The following TOMM20L variants were observed in gnomAD, a reference collection of about 807,000 sequenced individuals.
TOMM20L encodes translocase of outer mitochondrial membrane 20 like.
A neutral mutation model predicts 20.4 loss-of-function variants in TOMM20L; 19 were observed. The observed-to-expected ratio is 0.93, with a 90% CI of 0.65 to 1.36. The LOEUF is 1.36. Ranked by LOEUF, TOMM20L falls within the 40% of genes most tolerant of loss-of-function variation. The pLI, the probability that TOMM20L is intolerant of heterozygous loss-of-function variation, is 0.00. For synonymous variants in TOMM20L, 75 were observed against 79.6 expected (o/e 0.94, Z 0.30); for missense variants, 218 against 203.7 (o/e 1.07, Z -0.43).
downstream of TOMM20L, chr14:58,408,902 T>C (rs1346636175): frequency 8.1e-6 from 11 of 1,356,324 alleles, no homozygotes; most frequent in South Asian, 1.1e-4. Context: ...CGGTTTCCAT[T>C]TGCCAAACAG....
chr14:58,399,438 A>T (rs950202104), intron 2 of TOMM20L, among the ~76,000 whole-genome samples: 2 of 152,014 alleles, frequency 1.3e-5, no homozygotes, highest in Non-Finnish European at 2.9e-5. Context: ...TCACCTGAAG[A>T]GTTTGTTTAA....
At chr14:58,403,974 C>T (rs1403573354) in intron 3 of TOMM20L, among the ~76,000 whole-genome samples, 2 of 145,978 alleles carry the variant, frequency 1.4e-5, no homozygotes, top group Admixed American at 7.1e-5. Context: ...TCATAATGTC[C>T]TTATTCTGGT....
intron 2 of TOMM20L, among the ~76,000 whole-genome samples, chr14:58,397,797 C>A (rs1014508946): frequency 1.3e-5 from 2 of 152,006 alleles, no homozygotes; most frequent in African/African-American, 4.8e-5. Context: ...GATTTCTAAG[C>A]AGGAATTTTT....
At chr14:58,410,168 C>T (rs961269185), downstream of TOMM20L, among the ~76,000 whole-genome samples, 11 of 152,024 alleles carry the variant, frequency 7.2e-5, no homozygotes, top group African/African-American at 2.4e-4. Context: ...GCCTCCCGGG[C>T]TCAGGTGACC....
downstream of TOMM20L, among the ~76,000 whole-genome samples, chr14:58,413,234 A>G (rs1323591117): frequency 6.6e-6 from 1 of 152,220 alleles, no homozygotes; most frequent in Admixed American, 6.5e-5. Context: ...AATAAAATCT[A>G]TTGTTGAAAA....
chr14:58,402,127 A>G (rs59742322), intron 2 of TOMM20L, among the ~76,000 whole-genome samples: 15,062 of 152,210 alleles, frequency 0.099, 987 homozygotes, highest in African/African-American at 0.18. Flanking sequence ...ATTTGGTATG[A>G]GAGTTATTTA....
chr14:58,403,705 G>A (rs551977227), intron 3 of TOMM20L, among the ~76,000 whole-genome samples: 65 of 151,986 alleles, frequency 4.3e-4, no homozygotes, highest in Admixed American at 7.9e-4. Flanking sequence ...GGGCATGGTG[G>A]TGGGCGCCTG....
intron 1 of TOMM20L, 85 bp downstream of exon 1, chr14:58,396,178 G>A: frequency 7.1e-7 from 1 of 1,404,504 alleles, no homozygotes; most frequent in Non-Finnish European, 9.3e-7. Flanking sequence ...TGAGAGGCCG[G>A]GCCGTGAGTG....
At chr14:58,414,717 G>A in the TOMM20L span, among the ~76,000 whole-genome samples, 181 of 119,972 alleles carry the variant, frequency 1.5e-3, 1 homozygote, top group Admixed American at 5.3e-3. Context: ...AGCCTGCACC[G>A]CATAGTGAGA....
At chr14:58,405,369 AGAT>A (rs545541339) in intron 3 of TOMM20L, among the ~76,000 whole-genome samples, 32 of 152,362 alleles carry the variant, frequency 2.1e-4, no homozygotes, top group African/African-American at 6.7e-4. Flanking sequence ...AGAAGAAAAA[AGAT>A]GATAACGTAT....
At chr14:58,411,937 T>G (rs375239038), downstream of TOMM20L, 8 of 1,613,800 alleles carry the variant, frequency 5.0e-6, no homozygotes, top group Admixed American at 1.3e-4. Context: ...CTGGTATTTG[T>G]GCAGCCATAT....
chr14:58,404,427 C>T (rs1435032982), intron 3 of TOMM20L, among the ~76,000 whole-genome samples: 1 of 151,680 alleles, frequency 6.6e-6, no homozygotes, highest in African/African-American at 2.4e-5. Context: ...CCGCGCCCGG[C>T]CATATATTTT....
intron 2 of TOMM20L, 149 bp downstream of exon 2, chr14:58,396,490 C>CG (rs1566740792): frequency 1.3e-6 from 1 of 780,708 alleles, no homozygotes; most frequent in African/African-American, 1.7e-5. Flanking sequence ...CGCCACGCAC[C>CG]GCCTCAGGCC....
chr14:58,413,977 G>A, the TOMM20L span, among the ~76,000 whole-genome samples: 2 of 121,394 alleles, frequency 1.6e-5, no homozygotes, highest in African/African-American at 6.3e-5. Context: ...ACTGCACTCC[G>A]GCCTGGGTGA....
chr14:58,396,156 A>G (rs1372102239), intron 1 of TOMM20L, 63 bp downstream of exon 1: 3 of 1,284,140 alleles, frequency 2.3e-6, no homozygotes, highest in Non-Finnish European at 3.0e-6. Context: ...GCCGGCCGGG[A>G]GGGCCCCCCA....
At chr14:58,408,919 C>T (rs2036117876), downstream of TOMM20L, 2 of 1,454,132 alleles carry the variant, frequency 1.4e-6, no homozygotes, top group African/African-American at 2.9e-5. Context: ...ACAGTCATGA[C>T]AGATGGTTGA....
downstream of TOMM20L, among the ~76,000 whole-genome samples, chr14:58,411,726 G>C (rs1303176481): frequency 6.6e-6 from 1 of 151,858 alleles, no homozygotes; most frequent in Non-Finnish European, 1.5e-5. Flanking sequence ...TTTAGGAGAC[G>C]GAGTTTCACC....
downstream of TOMM20L, among the ~76,000 whole-genome samples, chr14:58,411,429 CAA>C (rs2036211737): frequency 6.8e-6 from 1 of 146,914 alleles, no homozygotes; most frequent in African/African-American, 2.5e-5. Flanking sequence ...GCCTGGCCGA[CAA>C]AGAGAGACTG....
chr14:58,412,467 T>A (rs1409139170), downstream of TOMM20L, among the ~76,000 whole-genome samples: 2 of 152,218 alleles, frequency 1.3e-5, no homozygotes, highest in African/African-American at 4.8e-5. Flanking sequence ...AATGCTAGTT[T>A]GGGACTCAAA....
Sources: gnomAD v4.1 joint callset for allele counts (sites outside exome capture counted in the v4.1 genomes callset) on GRCh38, gnomAD v4.1.1 for gene constraint, MANE v1.5 for transcripts, NCBI Gene and HGNC (gene_info 2026-07-23, HGNC 2026-07-21) for gene names.